C9orf85: variants seen among roughly 807,000 people sequenced by gnomAD.
The protein encoded by C9orf85 is uncharacterized protein C9orf85.
C9orf85 carries 16 observed loss-of-function variants against 14.9 expected under a neutral mutation model. The ratio of observed to expected loss-of-function variants is 1.08; its 90% CI spans 0.73 to 1.63. The LOEUF is 1.63. Among genes scored for constraint, C9orf85 ranks in the 40% most tolerant of loss-of-function variants. The pLI, the probability that C9orf85 is intolerant of heterozygous loss-of-function variation, is 0.00. For missense variants in C9orf85, 172 were observed against 186.1 expected, an observed-to-expected ratio of 0.92 and a Z score of 0.44; for synonymous variants, 45 against 56.8, an observed-to-expected ratio of 0.79 and a Z score of 0.93.
intron 1 of C9orf85, among the ~76,000 whole-genome samples, chr9:71,945,088 A>T (rs1191940716): frequency 6.6e-6 from 1 of 152,220 alleles, no homozygotes; most frequent in Non-Finnish European, 1.5e-5. Flanking sequence ...ATACAATAAA[A>T]TTGCAGGTAG....
chr9:71,942,151 A>C (rs1016153580), intron 1 of C9orf85, among the ~76,000 whole-genome samples: 2 of 152,180 alleles, frequency 1.3e-5, no homozygotes, highest in African/African-American at 2.4e-5. Flanking sequence ...TACATTGTAC[A>C]CCTAAGAATA....
At chr9:71,947,563 A>G (rs367773433) in intron 2 of C9orf85, among the ~76,000 whole-genome samples, 7 of 152,146 alleles carry the variant, frequency 4.6e-5, no homozygotes, top group Admixed American at 2.0e-4. Context: ...ATAACTTATT[A>G]TTTCTTTGGG....
chr9:71,970,857 C>A (rs1478862202), intron 2 of C9orf85, among the ~76,000 whole-genome samples: 1 of 143,590 alleles, frequency 7.0e-6, no homozygotes, highest in Non-Finnish European at 1.5e-5. Flanking sequence ...GAGATGGAGT[C>A]CCACTCTTGC....
intron 1 of C9orf85, among the ~76,000 whole-genome samples, chr9:71,939,677 T>A (rs7872466): frequency 0.96 from 145,670 of 152,232 alleles, 70,036 homozygotes; most frequent in East Asian, 1. Flanking sequence ...GAAACAAAAA[T>A]AGTTGGAAGA....
At chr9:71,928,848 A>C (rs1318185689) in intron 1 of C9orf85, among the ~76,000 whole-genome samples, 4 of 152,206 alleles carry the variant, frequency 2.6e-5, no homozygotes, top group African/African-American at 9.6e-5. Flanking sequence ...AATATATATT[A>C]ATTTTATCCC....
intron 2 of C9orf85, among the ~76,000 whole-genome samples, chr9:71,949,686 TGGTTTTATGCTA>T (rs1471686861): frequency 6.6e-6 from 1 of 152,158 alleles, no homozygotes; most frequent in African/African-American, 2.4e-5. Context: ...TAAACCTGTG[TGGTTTTATGCTA>T]GGTTTGATGG....
chr9:71,918,536 C>A, intron 1 of C9orf85: 1 of 869,718 alleles, frequency 1.1e-6, no homozygotes, highest in Non-Finnish European at 1.6e-6. Context: ...CTGGGCCACA[C>A]AGCAGGAGTT....
intron 1 of C9orf85, chr9:71,941,700 T>C (rs1287884087): frequency 1.3e-5 from 2 of 152,170 alleles, no homozygotes; most frequent in East Asian, 3.8e-4. Flanking sequence ...GATCCTGATT[T>C]GGAGAGGAAA....
At chr9:71,949,128 G>T (rs1033654181) in intron 2 of C9orf85, among the ~76,000 whole-genome samples, 1 of 152,090 alleles carries the variant, frequency 6.6e-6, no homozygotes, top group African/African-American at 2.4e-5. Flanking sequence ...TCCTATAAAG[G>T]TATTTTAAGA....
At chr9:71,922,360 C>T (rs1827833044) in intron 1 of C9orf85, among the ~76,000 whole-genome samples, 1 of 152,142 alleles carries the variant, frequency 6.6e-6, no homozygotes, top group South Asian at 2.1e-4. Flanking sequence ...CCTAATGCTT[C>T]CACTTTACCT....
intron 2 of C9orf85, among the ~76,000 whole-genome samples, chr9:71,958,411 C>T (rs1426196999): frequency 1.3e-5 from 2 of 151,330 alleles, no homozygotes; most frequent in Admixed American, 6.6e-5. Flanking sequence ...TGCAGGCATG[C>T]GCCACCACGA....
At chr9:71,975,014 A>G (rs187865843), downstream of C9orf85, among the ~76,000 whole-genome samples, 144 of 152,382 alleles carry the variant, frequency 9.4e-4, 1 homozygote, top group African/African-American at 3.4e-3. Context: ...ATGTAATACT[A>G]ATTTACTGTA....
chr9:71,963,891 TC>T (rs1822603990), intron 2 of C9orf85, among the ~76,000 whole-genome samples: 1 of 152,126 alleles, frequency 6.6e-6, no homozygotes, highest in African/African-American at 2.4e-5. Flanking sequence ...CGGAGCCCAG[TC>T]CCATCAACCA....
intron 1 of C9orf85, among the ~76,000 whole-genome samples, chr9:71,928,491 TC>T (rs1827985217): frequency 6.6e-6 from 1 of 152,182 alleles, no homozygotes; most frequent in Admixed American, 6.5e-5. Context: ...TTTGGATTGT[TC>T]CTGTAGACAA....
chr9:71,979,794 C>CA, intron 3 of C9orf85, among the ~76,000 whole-genome samples: 1 of 151,876 alleles, frequency 6.6e-6, no homozygotes, highest in Non-Finnish European at 1.5e-5. Context: ...ATCAAGTGAT[C>CA]AAAAAATTGA....
intron 1 of C9orf85, among the ~76,000 whole-genome samples, chr9:71,927,526 C>T (rs531281221): frequency 1.1e-4 from 17 of 152,088 alleles, no homozygotes; most frequent in Admixed American, 2.6e-4. Flanking sequence ...TGCAAGCTAA[C>T]GATCTTGTCT....
intron 2 of C9orf85, among the ~76,000 whole-genome samples, chr9:71,952,450 C>T (rs1244602671): frequency 3.9e-5 from 6 of 152,154 alleles, no homozygotes; most frequent in South Asian, 2.1e-4. Context: ...CTGCAAGCTC[C>T]GCCTCCTGGG....
intron 1 of C9orf85, among the ~76,000 whole-genome samples, chr9:71,922,294 T>C (rs1470024148): frequency 6.6e-6 from 1 of 152,140 alleles, no homozygotes; most frequent in East Asian, 1.9e-4. Context: ...TTTTCCCTAT[T>C]TGGTTTGTAC....
At chr9:71,952,288 T>C (rs904214635) in intron 2 of C9orf85, among the ~76,000 whole-genome samples, 1 of 152,244 alleles carries the variant, frequency 6.6e-6, no homozygotes, top group Non-Finnish European at 1.5e-5. Context: ...ACCTATCTTG[T>C]TTATGGACAT....
Sources: allele counts gnomAD v4.1 joint callset (sites outside exome capture counted in the v4.1 genomes callset), GRCh38; gene constraint gnomAD v4.1.1; transcripts MANE v1.5; gene names NCBI Gene and HGNC (gene_info 2026-07-23, HGNC 2026-07-21).